Variants in WDR89 observed in about 807,000 individuals in gnomAD.
The protein encoded by WDR89 is WD repeat-containing protein 89.
In WDR89, 17 loss-of-function variants were observed where a neutral mutation model predicts 29.1. That is an observed-to-expected ratio of 0.58 (90% CI 0.40 to 0.88). The LOEUF is 0.88. Among genes scored for constraint, WDR89 ranks in the 40% least tolerant of loss-of-function variants. The pLI is 0.00. For synonymous variants in WDR89, 138 were observed against 157.8 expected (o/e 0.87, Z 0.94); for missense variants, 396 against 456.3 (o/e 0.87, Z 1.20).
At chr14:63,631,313 T>C (rs978877578) in intron 1 of WDR89, among the ~76,000 whole-genome samples, 3 of 152,154 alleles carry the variant, frequency 2.0e-5, no homozygotes, top group African/African-American at 7.2e-5. Flanking sequence ...AGAAATATTT[T>C]TCTTTTCTTT....
chr14:63,636,137 A>T (rs1420143771), intron 1 of WDR89, among the ~76,000 whole-genome samples: 3 of 152,188 alleles, frequency 2.0e-5, no homozygotes, highest in Non-Finnish European at 4.4e-5. Context: ...CAAACTCGGG[A>T]GGTGGAGGTT....
intron 2 of WDR89, among the ~76,000 whole-genome samples, chr14:63,600,717 C>CAAAAAAAAAAAAAAAAAAAAAA (rs56059698): frequency 5.5e-5 from 2 of 36,144 alleles, no homozygotes; most frequent in African/African-American, 1.2e-4. Flanking sequence ...GATATGTAGG[C>CAAAAAAAAAAAAAAAAAAAAAA]AAAAAAAAAA....
At chr14:63,626,581 A>G (rs1883064718) in intron 1 of WDR89, among the ~76,000 whole-genome samples, 1 of 142,768 alleles carries the variant, frequency 7.0e-6, no homozygotes, top group Non-Finnish European at 1.5e-5. Context: ...GGAGGCTGAG[A>G]GGCATGAAAA....
intron 2 of WDR89, among the ~76,000 whole-genome samples, chr14:63,614,204 C>T (rs1310721000): frequency 1.3e-5 from 2 of 152,032 alleles, no homozygotes; most frequent in Non-Finnish European, 2.9e-5. Context: ...TGTAAAGTGA[C>T]AAGGCCAGGG....
chr14:63,639,648 T>G (rs972301289), intron 1 of WDR89, among the ~76,000 whole-genome samples: 1 of 152,224 alleles, frequency 6.6e-6, no homozygotes, highest in South Asian at 2.1e-4. Flanking sequence ...CAAAATTCTC[T>G]TGTATTTTCT....
intron 1 of WDR89, among the ~76,000 whole-genome samples, chr14:63,637,047 C>T (rs573301064): frequency 3.3e-5 from 5 of 151,122 alleles, no homozygotes; most frequent in South Asian, 2.1e-4. Context: ...GCATCTACAA[C>T]GAACTCAAAT....
chr14:63,601,174 T>C (rs1895047261), intron 2 of WDR89, among the ~76,000 whole-genome samples: 1 of 152,000 alleles, frequency 6.6e-6, no homozygotes, highest in Admixed American at 6.6e-5. Context: ...TCCAGAACCG[T>C]TAAGATAATA....
intron 2 of WDR89, among the ~76,000 whole-genome samples, chr14:63,623,343 A>G (rs1476684650): frequency 6.6e-6 from 1 of 152,118 alleles, no homozygotes; most frequent in Non-Finnish European, 1.5e-5. Flanking sequence ...AAGATGAAAA[A>G]AGAAATAAAG....
chr14:63,640,383 G>T (rs971472742), intron 1 of WDR89, among the ~76,000 whole-genome samples: 4 of 152,186 alleles, frequency 2.6e-5, no homozygotes, highest in Non-Finnish European at 4.4e-5. Flanking sequence ...ATGCTGACTT[G>T]TCCAGTCAAA....
intron 1 of WDR89, among the ~76,000 whole-genome samples, chr14:63,634,331 G>A (rs1330801539): frequency 6.6e-6 from 1 of 152,168 alleles, no homozygotes; most frequent in Non-Finnish European, 1.5e-5. Flanking sequence ...TTACCAGCCT[G>A]ACCAACATGG....
At chr14:63,607,881 C>CA (rs770768578) in intron 2 of WDR89, among the ~76,000 whole-genome samples, 2,458 of 61,742 alleles carry the variant, frequency 0.04, 33 homozygotes, top group African/African-American at 0.067. Flanking sequence ...AAGTCTGACT[C>CA]AAAAAAAAAA....
At chr14:63,613,392 TTAAAG>T (rs1175755355) in intron 2 of WDR89, among the ~76,000 whole-genome samples, 8 of 152,166 alleles carry the variant, frequency 5.3e-5, no homozygotes, top group African/African-American at 9.7e-5. Context: ...TTTAAAAAAC[TTAAAG>T]TAAATTTCAA....
chr14:63,630,371 G>A lies in WDR89; in HGVS notation c.-137-5338C>T, dbSNP rs912321195. Among the ~76,000 whole-genome samples, 9 of 151,460 alleles carry A rather than the reference G, an allele frequency of 5.9e-5. No individual in the cohort carries two copies. In the South Asian group the frequency reaches 8.3e-4, roughly 14 times the overall value. Reference sequence around the variant, plus strand: ...AAAGTCCAGACAAGGGGCTGGGCGCGGTAGCTCACGCCTGTAATCACAGCA... The same window carrying A: ...AAAGTCCAGACAAGGGGCTGGGCGCAGTAGCTCACGCCTGTAATCACAGCA... On this transcript the variant is annotated intron_variant, in intron 1 of 2. Coordinates refer to ENST00000620954, the MANE Select transcript of WDR89 (RefSeq NM_080666.4).
intron 1 of WDR89, among the ~76,000 whole-genome samples, chr14:63,639,578 A>G (rs1430022854): frequency 6.6e-6 from 1 of 152,242 alleles, no homozygotes; most frequent in African/African-American, 2.4e-5. Context: ...TAATCTGTAC[A>G]TAATCTGCCC....
intron 2 of WDR89, among the ~76,000 whole-genome samples, chr14:63,601,070 C>G (rs150319392): frequency 6.6e-6 from 1 of 151,986 alleles, no homozygotes; most frequent in Non-Finnish European, 1.5e-5. Context: ...AACTAAAAAG[C>G]AAGAAAAGAT....
intron 2 of WDR89, among the ~76,000 whole-genome samples, chr14:63,604,659 C>G (rs1013396513): frequency 8.5e-5 from 13 of 152,264 alleles, no homozygotes; most frequent in African/African-American, 3.1e-4. Context: ...GCAATTTGCT[C>G]TTTTCACTCA....
intron 1 of WDR89, among the ~76,000 whole-genome samples, chr14:63,632,805 A>C (rs1883494851): frequency 6.6e-6 from 1 of 152,220 alleles, no homozygotes; most frequent in South Asian, 2.1e-4. Flanking sequence ...AATGACAGCT[A>C]ATATTAACTG....
chr14:63,627,398 G>T (rs189499385), intron 1 of WDR89, among the ~76,000 whole-genome samples: 63 of 152,186 alleles, frequency 4.1e-4, no homozygotes, highest in African/African-American at 1.3e-3. Flanking sequence ...TTAGAGTATT[G>T]CCACATAAAA....
At chr14:63,608,824 G>A (rs557838769) in intron 2 of WDR89, among the ~76,000 whole-genome samples, 1 of 152,008 alleles carries the variant, frequency 6.6e-6, no homozygotes. Flanking sequence ...GGCTGGGTGC[G>A]GTGCCTCGGT....
Sources: allele counts gnomAD v4.1 joint callset (sites outside exome capture counted in the v4.1 genomes callset), GRCh38; gene constraint gnomAD v4.1.1; transcripts MANE v1.5; gene names NCBI Gene and HGNC (gene_info 2026-07-23, HGNC 2026-07-21).